The following CERS4 variants were observed in gnomAD, a reference collection of about 807,000 sequenced individuals.
CERS4 encodes the protein LAG1 homolog, ceramide synthase 4.
CERS4 carries 65 observed loss-of-function variants against 51.8 expected under a neutral mutation model. That is an observed-to-expected ratio of 1.26 (90% confidence interval 1.03 to 1.54). The LOEUF is 1.54. CERS4 is among the 40% of genes most tolerant of loss of function. The probability of loss-of-function intolerance (pLI) is 0.00; values close to 1 mark genes in which losing one functional copy is unlikely to be tolerated. For missense variants in CERS4, 563 were observed against 500.4 expected (o/e 1.13, Z -1.19); for synonymous variants, 228 against 208.4 (o/e 1.09, Z -0.81).
intron 2 of CERS4, chr19:8,241,304 T>G (rs1055311928): frequency 3.3e-4 from 51 of 152,316 alleles, no homozygotes; most frequent in African/African-American, 1.1e-3. Flanking sequence ...ACTATCACAG[T>G]CTAAGCTGTT....
chr19:8,252,842 G>T (rs893598021), intron 3 of CERS4, among the ~76,000 whole-genome samples: 1 of 152,076 alleles, frequency 6.6e-6, no homozygotes, highest in African/African-American at 2.4e-5. Flanking sequence ...TCCAAAATGA[G>T]ACTTTAAGAG....
intron 10 of CERS4, chr19:8,261,037 T>A (rs904644530): frequency 3.3e-5 from 5 of 150,828 alleles, no homozygotes; most frequent in African/African-American, 4.9e-5. Flanking sequence ...CAGGACAGTG[T>A]CCCAGGCAAC....
chr19:8,230,810 G>A (rs950371704), intron 2 of CERS4, among the ~76,000 whole-genome samples: 6 of 152,038 alleles, frequency 3.9e-5, no homozygotes, highest in Non-Finnish European at 8.8e-5. Context: ...ATATTTTTAA[G>A]TTTTATAATT....
intron 2 of CERS4, among the ~76,000 whole-genome samples, chr19:8,219,807 G>A (rs771336688): frequency 3.2e-4 from 48 of 151,288 alleles, no homozygotes; most frequent in Middle Eastern, 3.4e-3. Context: ...CAACAAGAGC[G>A]AAACTCTGTT....
intron 6 of CERS4, 172 bp from the exon 7 acceptor site, chr19:8,256,064 T>G: frequency 1.1e-6 from 1 of 941,562 alleles, no homozygotes; most frequent in Non-Finnish European, 1.6e-6. Context: ...GCACCAAAAG[T>G]TGGGGTTCTG....
intron 2 of CERS4, among the ~76,000 whole-genome samples, chr19:8,214,118 C>T (rs939635549): frequency 3.9e-5 from 6 of 152,210 alleles, no homozygotes; most frequent in South Asian, 4.2e-4. Flanking sequence ...CTCCCTACCC[C>T]CTCCTGGACT....
intron 2 of CERS4, among the ~76,000 whole-genome samples, chr19:8,228,849 C>T (rs566628156): frequency 6.6e-6 from 1 of 151,514 alleles, no homozygotes; most frequent in Admixed American, 6.6e-5. Flanking sequence ...CATGGTGAAA[C>T]CTTGTCTCTC....
At chr19:8,249,587 ATTTTTTTTT>A (rs869119452) in intron 2 of CERS4, among the ~76,000 whole-genome samples, 1 of 91,380 alleles carries the variant, frequency 1.1e-5, no homozygotes, top group Non-Finnish European at 2.0e-5. Context: ...GGAACTCTGG[ATTTTTTTTT>A]TTTTTTTTTT....
chr19:8,253,261 A>T (rs552707410), intron 3 of CERS4, among the ~76,000 whole-genome samples: 2 of 152,232 alleles, frequency 1.3e-5, no homozygotes, highest in South Asian at 4.1e-4. Flanking sequence ...AGGGGCTTGG[A>T]GCGGGAACAG....
chr19:8,223,959 G>A (rs948818141), intron 2 of CERS4, among the ~76,000 whole-genome samples: 6 of 150,678 alleles, frequency 4.0e-5, no homozygotes, highest in Non-Finnish European at 7.4e-5. Flanking sequence ...AAAATTAGCC[G>A]GGCATCATGG....
At chr19:8,258,774 A>G (rs1969525894) in intron 10 of CERS4, among the ~76,000 whole-genome samples, 1 of 152,072 alleles carries the variant, frequency 6.6e-6, no homozygotes, top group South Asian at 2.1e-4. Context: ...CCCAGAAGGC[A>G]GAGGCTACAG....
chr19:8,219,210 C>CA (rs987445501), intron 2 of CERS4, among the ~76,000 whole-genome samples: 3 of 151,450 alleles, frequency 2.0e-5, no homozygotes, highest in African/African-American at 7.3e-5. Context: ...TCATCTCCCG[C>CA]AAAAAAAGGT....
chr19:8,227,697 C>T (rs964522332), intron 2 of CERS4, among the ~76,000 whole-genome samples: 5 of 151,996 alleles, frequency 3.3e-5, no homozygotes, highest in Admixed American at 2.6e-4. Context: ...ACCTTGAGGA[C>T]ATTATGGTAC....
intron 2 of CERS4, among the ~76,000 whole-genome samples, chr19:8,249,116 G>GGTAGATGGATGATGA (rs1172289300): frequency 5.3e-5 from 8 of 150,886 alleles, no homozygotes; most frequent in African/African-American, 2.0e-4. Flanking sequence ...ATGGATGATG[G>GGTAGATGGATGATGA]GTAGATGGAT....
intron 10 of CERS4, among the ~76,000 whole-genome samples, chr19:8,259,953 A>G (rs1969593348): frequency 6.6e-6 from 1 of 152,034 alleles, no homozygotes; most frequent in African/African-American, 2.4e-5. Context: ...TCTGGCTGCC[A>G]TCCTCCATGG....
chr19:8,261,470 C>A, intron 10 of CERS4: 1 of 580,098 alleles, frequency 1.7e-6, no homozygotes, highest in Non-Finnish European at 3.1e-6. Flanking sequence ...TCATGAATGG[C>A]CAGTCAGGGA....
intron 2 of CERS4, among the ~76,000 whole-genome samples, chr19:8,244,221 TG>T (rs928132505): frequency 1.3e-5 from 2 of 152,128 alleles, no homozygotes; most frequent in African/African-American, 4.8e-5. Context: ...CTGGGTGTGG[TG>T]GCTGGAGCCT....
chr19:8,218,589 G>C (rs900729427), intron 2 of CERS4, among the ~76,000 whole-genome samples: 1 of 152,156 alleles, frequency 6.6e-6, no homozygotes, highest in African/African-American at 2.4e-5. Context: ...CGAATGCCAG[G>C]TCAGGAGCCA....
intron 2 of CERS4, among the ~76,000 whole-genome samples, chr19:8,221,124 C>T (rs950465175): frequency 1.3e-5 from 2 of 150,390 alleles, no homozygotes; most frequent in African/African-American, 4.9e-5. Context: ...TGTGCCCGGC[C>T]TGTGTATTTT....
Sources: gnomAD v4.1 joint callset for allele counts (sites outside exome capture counted in the v4.1 genomes callset) on GRCh38, gnomAD v4.1.1 for gene constraint, MANE v1.5 for transcripts, NCBI Gene and HGNC (gene_info 2026-07-23, HGNC 2026-07-21) for gene names.